PAM: variants seen among roughly 807,000 people sequenced by gnomAD.
The protein encoded by PAM is peptidyl-glycine alpha-amidating monooxygenase.
A neutral mutation model predicts 122.1 loss-of-function variants in PAM; 72 were observed. The ratio of observed to expected loss-of-function variants is 0.59; its 90% CI spans 0.49 to 0.72. PAM has a LOEUF of 0.72. PAM is among the 30% of genes least tolerant of loss of function. The pLI, the probability that PAM is intolerant of heterozygous loss-of-function variation, is 0.00. For missense variants in PAM, 1,106 were observed against 1,183.7 expected, an observed-to-expected ratio of 0.93 and a Z score of 0.96; for synonymous variants, 389 against 404.4, an observed-to-expected ratio of 0.96 and a Z score of 0.46.
At chr5:103,001,773 A>G (rs534003576) in intron 16 of PAM, among the ~76,000 whole-genome samples, 1 of 152,196 alleles carries the variant, frequency 6.6e-6, no homozygotes, top group African/African-American at 2.4e-5. Context: ...TTCCATAAAT[A>G]TGGCAGCCAA....
intron 1 of PAM, among the ~76,000 whole-genome samples, chr5:102,834,744 C>T (rs180730032): frequency 6.6e-6 from 1 of 152,166 alleles, no homozygotes; most frequent in Non-Finnish European, 1.5e-5. Flanking sequence ...GGCCATTGTG[C>T]TGGGAGAACT....
intron 3 of PAM, among the ~76,000 whole-genome samples, chr5:102,875,722 A>C (rs1788966465): frequency 6.6e-6 from 1 of 152,206 alleles, no homozygotes; most frequent in Non-Finnish European, 1.5e-5. Context: ...TGTGAGCCAT[A>C]TAGGTTCTGT....
chr5:102,794,579 A>G (rs1157938767), intron 1 of PAM, among the ~76,000 whole-genome samples: 1 of 152,194 alleles, frequency 6.6e-6, no homozygotes, highest in Non-Finnish European at 1.5e-5. Flanking sequence ...TTTTTTTTGT[A>G]GAAAACTGAA....
At chr5:103,025,451 G>C in intron 24 of PAM, 117 bp downstream of exon 24, 4 of 817,122 alleles carry the variant, frequency 4.9e-6, no homozygotes, top group Non-Finnish European at 8.4e-6. Context: ...TGTTTTTAAT[G>C]CTCTCTACCA....
At chr5:102,777,531 T>G (rs1366496217) in intron 1 of PAM, among the ~76,000 whole-genome samples, 1 of 152,080 alleles carries the variant, frequency 6.6e-6, no homozygotes, top group Non-Finnish European at 1.5e-5. Context: ...AGTGGGAGTT[T>G]CTGGAAAAAA....
chr5:103,007,122 C>A, intron 19 of PAM, 111 bp downstream of exon 19: 1 of 774,422 alleles, frequency 1.3e-6, no homozygotes, highest in Non-Finnish European at 2.1e-6. Context: ...CCTACAGGGT[C>A]ATTGTAACCT....
intron 1 of PAM, among the ~76,000 whole-genome samples, chr5:102,759,033 A>G (rs769621131): frequency 3.1e-4 from 47 of 152,366 alleles, no homozygotes; most frequent in Non-Finnish European, 4.9e-4. Flanking sequence ...AATGGTATAC[A>G]AGACAGTTAT....
At chr5:102,855,637 G>C (rs1293550329) in intron 1 of PAM, among the ~76,000 whole-genome samples, 2 of 152,050 alleles carry the variant, frequency 1.3e-5, no homozygotes, top group African/African-American at 4.8e-5. Flanking sequence ...TGCCTCTGAA[G>C]TCGTTGGAAA....
At chr5:102,861,046 G>A (rs1784034592) in intron 1 of PAM, among the ~76,000 whole-genome samples, 1 of 152,156 alleles carries the variant, frequency 6.6e-6, no homozygotes, top group African/African-American at 2.4e-5. Flanking sequence ...GCCATGTTGT[G>A]AAGACACTCA....
At chr5:102,853,459 A>T (rs1474348299) in intron 1 of PAM, among the ~76,000 whole-genome samples, 1 of 152,212 alleles carries the variant, frequency 6.6e-6, no homozygotes, top group African/African-American at 2.4e-5. Flanking sequence ...AATAATAAAG[A>T]TGAAATATAT....
chr5:102,997,178 A>G (rs936958010), intron 16 of PAM, among the ~76,000 whole-genome samples: 15 of 152,296 alleles, frequency 9.8e-5, no homozygotes, highest in Admixed American at 5.2e-4. Flanking sequence ...CCAGATAATT[A>G]GTTGTTACAT....
At chr5:102,908,816 A>G (rs1281396997) in intron 4 of PAM, among the ~76,000 whole-genome samples, 2 of 151,614 alleles carry the variant, frequency 1.3e-5, no homozygotes, top group Non-Finnish European at 2.9e-5. Flanking sequence ...GAATTGCTTC[A>G]TGGTTATGGG....
At chr5:102,912,520 A>G (rs2151552321) in intron 4 of PAM, among the ~76,000 whole-genome samples, 1 of 152,032 alleles carries the variant, frequency 6.6e-6, no homozygotes, top group East Asian at 1.9e-4. Flanking sequence ...GGAGGAAGGA[A>G]ATCCTGCACT....
chr5:102,780,254 G>A (rs1426569006), intron 1 of PAM, among the ~76,000 whole-genome samples: 1 of 152,028 alleles, frequency 6.6e-6, no homozygotes, highest in Non-Finnish European at 1.5e-5. Flanking sequence ...TACTGGGAGT[G>A]TTGGAAGATA....
chr5:102,938,007 G>A (rs939637374), intron 7 of PAM, among the ~76,000 whole-genome samples: 1 of 152,010 alleles, frequency 6.6e-6, no homozygotes, highest in Non-Finnish European at 1.5e-5. Flanking sequence ...AAATCAGGTT[G>A]CTTGATAATC....
At chr5:102,881,129 T>TACACAC (rs34434423) in intron 3 of PAM, among the ~76,000 whole-genome samples, 4,814 of 145,734 alleles carry the variant, frequency 0.033, 183 homozygotes, top group African/African-American at 0.091. Context: ...TTTTTATACA[T>TACACAC]ACACACACAC....
At chr5:102,775,488 C>G (rs1402415361) in intron 1 of PAM, among the ~76,000 whole-genome samples, 1 of 152,068 alleles carries the variant, frequency 6.6e-6, no homozygotes, top group African/African-American at 2.4e-5. Context: ...CTGATGCTCT[C>G]CCTCCCCACC....
At chr5:102,887,596 A>G (rs1581350259) in intron 3 of PAM, among the ~76,000 whole-genome samples, 1 of 152,006 alleles carries the variant, frequency 6.6e-6, no homozygotes, top group East Asian at 1.9e-4. Context: ...AGTGTAGTAA[A>G]TATTTCATCT....
intron 1 of PAM, among the ~76,000 whole-genome samples, chr5:102,861,092 G>GT (rs1196153467): frequency 3.3e-5 from 5 of 152,162 alleles, no homozygotes; most frequent in East Asian, 1.9e-4. Flanking sequence ...TTGAGGACAT[G>GT]TTTTTTTGCC....
Sources: allele counts gnomAD v4.1 joint callset (sites outside exome capture counted in the v4.1 genomes callset), GRCh38; gene constraint gnomAD v4.1.1; transcripts MANE v1.5; gene names NCBI Gene and HGNC (gene_info 2026-07-23, HGNC 2026-07-21).